The following NCOA1 variants were observed in gnomAD, a reference collection of about 807,000 sequenced individuals.
NCOA1 encodes nuclear receptor coactivator 1.
In NCOA1, 35 loss-of-function variants were observed where a neutral mutation model predicts 150.9. That is an observed-to-expected ratio of 0.23 (90% confidence interval 0.18 to 0.31). The LOEUF is 0.31. Among genes scored for constraint, NCOA1 ranks in the 10% least tolerant of loss-of-function variants. NCOA1 has a pLI of 1.00. For missense variants in NCOA1, 1,491 were observed against 1,749.3 expected, an observed-to-expected ratio of 0.85 and a Z score of 2.63; for synonymous variants, 590 against 630.0, an observed-to-expected ratio of 0.94 and a Z score of 0.95.
At chr2:24,600,157 A>G (rs547433630) in intron 3 of NCOA1, among the ~76,000 whole-genome samples, 5 of 152,210 alleles carry the variant, frequency 3.3e-5, no homozygotes, top group African/African-American at 1.2e-4. Flanking sequence ...AAGTTCGTCA[A>G]AGTATTGGGC....
At chr2:24,607,559 G>A (rs940319242) in intron 3 of NCOA1, among the ~76,000 whole-genome samples, 23 of 151,958 alleles carry the variant, frequency 1.5e-4, no homozygotes, top group Admixed American at 6.5e-4. Flanking sequence ...GTGTAGTGGC[G>A]GGTGCCTGTA....
intron 14 of NCOA1, among the ~76,000 whole-genome samples, chr2:24,714,067 A>T (rs1369472864): frequency 6.6e-6 from 1 of 152,192 alleles, no homozygotes; most frequent in African/African-American, 2.4e-5. Flanking sequence ...TTGGAAGATA[A>T]TCAAGTCCTG....
At chr2:24,615,814 G>A (rs1439977227) in intron 3 of NCOA1, among the ~76,000 whole-genome samples, 1 of 152,132 alleles carries the variant, frequency 6.6e-6, no homozygotes, top group African/African-American at 2.4e-5. Context: ...TTTCTAGAGG[G>A]AAGAGGATGA....
intron 20 of NCOA1, 89 bp downstream of exon 20, chr2:24,752,245 A>G (rs1664288486): frequency 7.1e-7 from 1 of 1,414,080 alleles, no homozygotes. Context: ...AACCTCAGGA[A>G]CATTATGTAA....
At chr2:24,754,166 C>T (rs899294200) in intron 20 of NCOA1, among the ~76,000 whole-genome samples, 1 of 152,168 alleles carries the variant, frequency 6.6e-6, no homozygotes, top group Non-Finnish European at 1.5e-5. Context: ...TTCCCTGGGC[C>T]ATTCCAGTAG....
chr2:24,549,899 TAAC>T (rs1665757048), intron 1 of NCOA1, among the ~76,000 whole-genome samples: 2 of 152,144 alleles, frequency 1.3e-5, no homozygotes, highest in Non-Finnish European at 2.9e-5. Flanking sequence ...TGAATGCCTT[TAAC>T]AGCACCCAAG....
intron 17 of NCOA1, among the ~76,000 whole-genome samples, chr2:24,731,325 A>G (rs567554965): frequency 4.6e-5 from 7 of 152,258 alleles, no homozygotes; most frequent in Non-Finnish European, 8.8e-5. Context: ...TTACCTTTTA[A>G]AACCTCTAAT....
chr2:24,701,974 C>T (rs755556714), intron 11 of NCOA1, among the ~76,000 whole-genome samples: 4 of 152,142 alleles, frequency 2.6e-5, no homozygotes, highest in African/African-American at 9.7e-5. Flanking sequence ...CATGCCACTG[C>T]ACTCCAGCTT....
intron 2 of NCOA1, among the ~76,000 whole-genome samples, chr2:24,577,630 C>T (rs1034163028): frequency 6.6e-6 from 1 of 152,062 alleles, no homozygotes; most frequent in African/African-American, 2.4e-5. Flanking sequence ...ATAGATAAGC[C>T]GTGAATTAAA....
At chr2:24,498,242 T>G (rs970955627) in intron 1 of NCOA1, among the ~76,000 whole-genome samples, 2 of 152,364 alleles carry the variant, frequency 1.3e-5, no homozygotes, top group Middle Eastern at 3.4e-3. Flanking sequence ...AAGTAGCTAC[T>G]CAATCATTCG....
At chr2:24,739,847 G>A (rs1663516772) in intron 18 of NCOA1, among the ~76,000 whole-genome samples, 1 of 152,108 alleles carries the variant, frequency 6.6e-6, no homozygotes, top group African/African-American at 2.4e-5. Flanking sequence ...ATACGAAACT[G>A]TGTGAACGGT....
At chr2:24,680,382 G>A (rs1021947270) in intron 7 of NCOA1, among the ~76,000 whole-genome samples, 3 of 152,128 alleles carry the variant, frequency 2.0e-5, no homozygotes, top group Non-Finnish European at 2.9e-5. Flanking sequence ...TACACAGAGC[G>A]GAATACTATT....
intron 1 of NCOA1, among the ~76,000 whole-genome samples, chr2:24,519,188 A>C (rs907745050): frequency 6.6e-6 from 1 of 152,360 alleles, no homozygotes; most frequent in African/African-American, 2.4e-5. Flanking sequence ...TGATAAACAA[A>C]ATGTATATGT....
intron 2 of NCOA1, among the ~76,000 whole-genome samples, chr2:24,576,156 T>TTTGG (rs1269808675): frequency 1.1e-5 from 1 of 94,544 alleles, no homozygotes; most frequent in Non-Finnish European, 2.1e-5. Context: ...TTTGTTTTTT[T>TTTGG]TTTTTTGTTT....
intron 2 of NCOA1, among the ~76,000 whole-genome samples, chr2:24,574,298 G>C (rs2148288340): frequency 6.6e-6 from 1 of 152,178 alleles, no homozygotes; most frequent in East Asian, 1.9e-4. Context: ...CATCCAGCTA[G>C]CTCCAGAACC....
Position 24,691,586 on chromosome 2 carries a change from A to G in NCOA1, c.638A>G (p.Glu213Gly). The change falls in exon 9 of 23, where the codon GAA becomes GGA. Residue 213 changes from glutamate (E) to glycine (G), a missense_variant. Glu to Gly is a moderately conservative substitution (Grantham distance 98). Around this residue, in one of 8 missense-constraint regions of NCOA1, gnomAD observed 99 missense variants for 122.8 expected, o/e 0.81. Transcript: ENST00000348332. ...GATGAGCCAGGGACCGAGAACCAAG[A>G]AGCTTGCCAGCGTTATGAAGTAATG... Reference protein sequence around the residue: ...PPDEPGTENQEACQRYEVMQC... With the variant: ...PPDEPGTENQGACQRYEVMQC... 1 of 1,614,190 alleles carries G rather than the reference A, an allele frequency of 6.2e-7. No individual in the cohort carries two copies. Among genetic ancestry groups the G allele is most frequent in the Non-Finnish European group, 8.5e-7 (1 of 1,180,032 alleles).
chr2:24,611,263 C>T (rs557734990), intron 3 of NCOA1, among the ~76,000 whole-genome samples: 1 of 152,226 alleles, frequency 6.6e-6, no homozygotes, highest in African/African-American at 2.4e-5. Flanking sequence ...TCCACGTTGT[C>T]GCAAGTGGCA....
At chr2:24,520,262 TA>T (rs1558761380) in intron 1 of NCOA1, among the ~76,000 whole-genome samples, 1 of 152,228 alleles carries the variant, frequency 6.6e-6, no homozygotes, top group Non-Finnish European at 1.5e-5. Flanking sequence ...TTACTTAAGA[TA>T]AATGAAAGCA....
In NCOA1 at chr2:24,768,516, C is replaced by CA. The variant is rs772970404; in HGVS notation, c.*150dup. 0.093 allele frequency: 4,865 copies of CA among 52,532 alleles called. 138 individuals carry two copies. The highest frequency in any genetic ancestry group is 0.11 in the Non-Finnish European group (3,002 of 26,756). 3.3% of individuals were successfully genotyped at this position (52,532 alleles called of 1,614,324 possible). On this transcript the variant is annotated 3_prime_UTR_variant, in exon 23 of 23. Transcript: ENST00000348332. ...ATTCTTCAGGTCGTAGCATTTGGAG[C>CA]AAAAAAAAAAAAAAAAAAAAAAAAA...
Sources: gnomAD v4.1 joint callset for allele counts (sites outside exome capture counted in the v4.1 genomes callset) on GRCh38, gnomAD v4.1.1 for gene constraint, gnomAD v4.1.1 regional missense constraint, MANE v1.5 for transcripts, NCBI Gene and HGNC (gene_info 2026-07-23, HGNC 2026-07-21) for gene names.